The following CTNNA3 variants were observed in gnomAD, a reference collection of about 807,000 sequenced individuals.
CTNNA3 encodes catenin alpha-3.
CTNNA3 carries 76 observed loss-of-function variants against 95.7 expected under a neutral mutation model. That is an observed-to-expected ratio of 0.79 (90% CI 0.66 to 0.96). CTNNA3 has a LOEUF of 0.96. Among genes scored for constraint, CTNNA3 ranks in the 40% least tolerant of loss-of-function variants. The probability of loss-of-function intolerance (pLI) is 0.00; values close to 1 mark genes in which losing one functional copy is unlikely to be tolerated. For missense variants in CTNNA3, 1,191 were observed against 1,089.8 expected, an observed-to-expected ratio of 1.09 and a Z score of -1.31; for synonymous variants, 431 against 374.4, an observed-to-expected ratio of 1.15 and a Z score of -1.74.
Position 66,304,144 on chromosome 10 carries a change from G to A in CTNNA3, c.1733-23523C>T, listed in dbSNP as rs1029709745. Reference sequence around the variant, plus strand: ...AAGAGATAGGACAAACATATTGGGGGGAAGAAGCTCAATCTCATAGGGAAT... The same window carrying A: ...AAGAGATAGGACAAACATATTGGGGAGAAGAAGCTCAATCTCATAGGGAAT... On this transcript the variant is annotated intron_variant, in intron 12 of 17. Transcript: ENST00000433211. Among the ~76,000 whole-genome samples the A allele has an allele frequency of 3.3e-5, 5 of 152,102 alleles. No individual in the cohort carries two copies. In the East Asian group the frequency reaches 9.7e-4, roughly 29 times the overall value.
chr10:66,360,366 G>A (rs2092644891), intron 12 of CTNNA3, among the ~76,000 whole-genome samples: 1 of 152,078 alleles, frequency 6.6e-6, no homozygotes, highest in African/African-American at 2.4e-5. Context: ...TTGTAGGAAA[G>A]GCAATGGCTT....
At chr10:66,957,824 A>C (rs1301581930) in intron 7 of CTNNA3, among the ~76,000 whole-genome samples, 1 of 152,078 alleles carries the variant, frequency 6.6e-6, no homozygotes, top group Non-Finnish European at 1.5e-5. Context: ...CCAGCATTGC[A>C]GCCACTACTA....
At chr10:67,720,294 A>G (rs959404043) in intron 1 of CTNNA3, among the ~76,000 whole-genome samples, 2 of 150,810 alleles carry the variant, frequency 1.3e-5, no homozygotes, top group African/African-American at 4.9e-5. Context: ...TTGCCAGTCT[A>G]TGAGGCTATT....
chr10:66,200,022 T>C (rs557741392), intron 13 of CTNNA3, among the ~76,000 whole-genome samples: 3 of 150,706 alleles, frequency 2.0e-5, no homozygotes, highest in African/African-American at 4.9e-5. Context: ...ATAAATGGCA[T>C]ATTATTGATT....
At chr10:67,652,108 G>A (rs577909556) in intron 1 of CTNNA3, among the ~76,000 whole-genome samples, 7 of 152,332 alleles carry the variant, frequency 4.6e-5, no homozygotes, top group Non-Finnish European at 8.8e-5. Context: ...TCTGCAGATG[G>A]CTGCCTTCTC....
At chr10:67,624,458 C>G (rs1356979918) in intron 2 of CTNNA3, among the ~76,000 whole-genome samples, 2 of 152,096 alleles carry the variant, frequency 1.3e-5, no homozygotes, top group Non-Finnish European at 2.9e-5. Context: ...CTCCCCTCCT[C>G]TATGAAAAAG....
At chr10:67,566,043 G>GTGTGTATA (rs1274109672) in intron 3 of CTNNA3, among the ~76,000 whole-genome samples, 1 of 26,964 alleles carries the variant, frequency 3.7e-5, no homozygotes, top group Non-Finnish European at 6.3e-5. Flanking sequence ...ATGTGTGTGT[G>GTGTGTATA]TATATATATA....
At chr10:67,554,513 G>A (rs1020699629) in intron 3 of CTNNA3, among the ~76,000 whole-genome samples, 14 of 152,168 alleles carry the variant, frequency 9.2e-5, no homozygotes, top group African/African-American at 2.4e-4. Context: ...GCCAGTGATT[G>A]TGAGCATTTT....
intron 5 of CTNNA3, among the ~76,000 whole-genome samples, chr10:67,306,739 T>C (rs1485410552): frequency 2.0e-5 from 3 of 152,174 alleles, no homozygotes; most frequent in African/African-American, 2.4e-5. Context: ...ATTTTCTTGA[T>C]AGCTTTGGCT....
intron 13 of CTNNA3, among the ~76,000 whole-genome samples, chr10:66,155,653 GA>G (rs2084459324): frequency 6.6e-6 from 1 of 151,694 alleles, no homozygotes; most frequent in South Asian, 2.1e-4. Context: ...ATATGTATGA[GA>G]AAAACATCAT....
chr10:67,564,701 A>ATATG (rs1841690858), intron 3 of CTNNA3, among the ~76,000 whole-genome samples: 1 of 110,594 alleles, frequency 9.0e-6, no homozygotes, highest in Admixed American at 9.2e-5. Context: ...ATATATATAT[A>ATATG]TATATATATA....
chr10:66,026,219 A>T (rs2079331700), intron 15 of CTNNA3, among the ~76,000 whole-genome samples: 1 of 152,202 alleles, frequency 6.6e-6, no homozygotes, highest in Non-Finnish European at 1.5e-5. Flanking sequence ...TGCTTCGTAT[A>T]GGAGAAAATA....
chr10:67,689,772 T>C (rs1036170886), intron 1 of CTNNA3, among the ~76,000 whole-genome samples: 1 of 152,188 alleles, frequency 6.6e-6, no homozygotes, highest in Admixed American at 6.5e-5. Flanking sequence ...TCAGGGATTG[T>C]TAGAGAGCCC....
chr10:65,977,326 G>C (rs553825801), intron 16 of CTNNA3, among the ~76,000 whole-genome samples: 6 of 152,052 alleles, frequency 3.9e-5, no homozygotes, highest in African/African-American at 1.2e-4. Context: ...AGCCAATATG[G>C]AATACATCAT....
At chr10:67,524,284 T>C (rs1215646416) in intron 4 of CTNNA3, among the ~76,000 whole-genome samples, 1 of 149,914 alleles carries the variant, frequency 6.7e-6, no homozygotes, top group East Asian at 2.0e-4. Flanking sequence ...GCGCCTGTAG[T>C]CCCCGCGGGA....
chr10:66,922,992 A>C (rs1015916251), intron 7 of CTNNA3, among the ~76,000 whole-genome samples: 9 of 152,168 alleles, frequency 5.9e-5, no homozygotes, highest in Admixed American at 5.2e-4. Context: ...TTTTAAATGC[A>C]CAATTAATTC....
intron 9 of CTNNA3, among the ~76,000 whole-genome samples, chr10:66,741,446 A>G (rs2132698042): frequency 6.6e-6 from 1 of 152,334 alleles, no homozygotes. Flanking sequence ...CAATTTATAT[A>G]AGGCTGGGCC....
At chr10:67,385,866 T>C (rs1844141399) in intron 5 of CTNNA3, among the ~76,000 whole-genome samples, 1 of 150,582 alleles carries the variant, frequency 6.6e-6, no homozygotes, top group African/African-American at 2.4e-5. Flanking sequence ...TGGGGAGTGT[T>C]GGAGGACAGC....
At chr10:66,402,828 C>T (rs1036122348) in intron 11 of CTNNA3, among the ~76,000 whole-genome samples, 31 of 152,154 alleles carry the variant, frequency 2.0e-4, no homozygotes, top group African/African-American at 6.0e-4. Flanking sequence ...AAACTTGGAC[C>T]CCCACAGGGA....
Sources: gnomAD v4.1 joint callset for allele counts (sites outside exome capture counted in the v4.1 genomes callset) on GRCh38, gnomAD v4.1.1 for gene constraint, MANE v1.5 for transcripts, NCBI Gene and HGNC (gene_info 2026-07-23, HGNC 2026-07-21) for gene names.